Variants in PARVB observed in about 807,000 individuals in gnomAD.
PARVB encodes the protein beta-parvin.
A neutral mutation model predicts 47.0 loss-of-function variants in PARVB; 46 were observed. That is an observed-to-expected ratio of 0.98 (90% confidence interval 0.77 to 1.25). The LOEUF is 1.25. PARVB is among the 50% of genes most tolerant of loss of function. PARVB has a pLI of 0.00. For synonymous variants in PARVB, 196 were observed against 196.3 expected (o/e 1.00, Z 0.01); for missense variants, 473 against 471.6 (o/e 1.00, Z -0.03).
At chr22:44,156,782 A>G (rs1367532221) in intron 10 of PARVB, among the ~76,000 whole-genome samples, 1 of 152,168 alleles carries the variant, frequency 6.6e-6, no homozygotes, top group Non-Finnish European at 1.5e-5. Flanking sequence ...CAAAAGATAA[A>G]TGGATATGCG....
At chr22:44,056,078 G>T (rs543247664) in intron 1 of PARVB, among the ~76,000 whole-genome samples, 3 of 152,350 alleles carry the variant, frequency 2.0e-5, no homozygotes, top group African/African-American at 4.8e-5. Flanking sequence ...GCACACGCAT[G>T]CATCTCTGTC....
In PARVB at chr22:44,168,800, T is replaced by TCCCCA. The variant is rs1410754757; in HGVS notation, c.*132_*136dup. 43 of 666,800 alleles carry TCCCCA rather than the reference T, an allele frequency of 6.4e-5. No homozygotes were observed. The East Asian group carries it at 1.0e-3, about 16-fold the overall frequency. The allele number at this position is 666,800 out of a possible 1,614,324, so 41.3% of individuals were successfully genotyped here. A position where few individuals can be genotyped will look rare whatever the true frequency, so the allele number is the denominator to read the frequency against. ...CTGGTCCAAGCTGTGTTGACTGTCA[T>TCCCCA]CCCCACCCCACCCCTACCTCACGCC... is the stretch of plus-strand genomic sequence containing the variant. On this transcript the variant is annotated 3_prime_UTR_variant, in exon 13 of 13. Transcript: ENST00000338758.
intron 1 of PARVB, among the ~76,000 whole-genome samples, chr22:44,027,058 C>T (rs1384247104): frequency 1.3e-5 from 2 of 151,770 alleles, no homozygotes; most frequent in African/African-American, 2.4e-5. Context: ...TGATGTGCTA[C>T]GGGAGGCGTG....
chr22:44,141,219 T>C (rs758417936), intron 8 of PARVB: 3 of 153,238 alleles, frequency 2.0e-5, no homozygotes, highest in Middle Eastern at 3.4e-3. Context: ...CCATTGCTGC[T>C]TATCTATTGT....
At chr22:44,013,946 A>G (rs1403257632) in intron 2 of PARVB, among the ~76,000 whole-genome samples, 2 of 152,132 alleles carry the variant, frequency 1.3e-5, no homozygotes, top group Non-Finnish European at 2.9e-5. Context: ...TGTAACTTCT[A>G]TTGAAAAAGA....
In PARVB at chr22:44,155,928, G is replaced by A. The variant is rs1386354550; in HGVS notation, c.844-2054G>A. ...AGCACTTTGGGTGGCCGAGGTGGGT[G>A]GATCATGAGGTCAGGAGTTCAAGAC... On this transcript the variant is annotated intron_variant, in intron 10 of 12. Transcript: ENST00000338758. This position sits in a 1 kb window ranked among gnomAD's most constrained non-coding sequence, Gnocchi z 4.8. Among the ~76,000 whole-genome samples, 4 of 152,106 alleles carry A rather than the reference G, an allele frequency of 2.6e-5. No homozygotes were observed. Among genetic ancestry groups the A allele is most frequent in the Non-Finnish European group, 5.9e-5 (4 of 68,028 alleles).
At chr22:44,133,154 C>A in intron 6 of PARVB, 145 bp downstream of exon 6, 2 of 557,084 alleles carry the variant, frequency 3.6e-6, no homozygotes, top group Non-Finnish European at 3.2e-6. Flanking sequence ...GTGTGTCTCA[C>A]CCTGGCTCCG....
intron 1 of PARVB, among the ~76,000 whole-genome samples, chr22:44,083,248 A>G (rs1488190802): frequency 1.3e-5 from 2 of 152,218 alleles, no homozygotes; most frequent in Non-Finnish European, 1.5e-5. Context: ...TTTCTCTTGT[A>G]GAAATTATCT....
At chr22:44,149,133 C>T (rs1398827755) in intron 9 of PARVB, 3 of 152,188 alleles carry the variant, frequency 2.0e-5, no homozygotes, top group African/African-American at 7.2e-5. Flanking sequence ...GAGATGTTAC[C>T]CACCTCTCAG....
intron 2 of PARVB, among the ~76,000 whole-genome samples, chr22:44,095,264 T>C (rs1208910534): frequency 4.6e-5 from 7 of 152,148 alleles, no homozygotes; most frequent in Non-Finnish European, 1.5e-5. Flanking sequence ...ATCCCAGCAC[T>C]TTGGAAGGCC....
chr22:44,030,602 G>A (rs956283797), intron 1 of PARVB, among the ~76,000 whole-genome samples: 14 of 152,114 alleles, frequency 9.2e-5, no homozygotes, highest in African/African-American at 3.4e-4. Context: ...GGGGAGGCAG[G>A]CTGGCAGGAA....
At chr22:44,110,219 T>C (rs1254921800) in intron 3 of PARVB, 1 of 151,470 alleles carries the variant, frequency 6.6e-6, no homozygotes, top group African/African-American at 2.4e-5. Context: ...AGATATGGCA[T>C]TGAACAAAAC....
chr22:44,168,362 G>A (rs1414381780), intron 12 of PARVB: 2 of 492,496 alleles, frequency 4.1e-6, no homozygotes, highest in Non-Finnish European at 7.4e-6. Context: ...CTCTGTTCTT[G>A]TCACCCCAGG....
At chr22:44,128,413 C>T (rs1313520064) in intron 4 of PARVB, among the ~76,000 whole-genome samples, 2 of 152,238 alleles carry the variant, frequency 1.3e-5, no homozygotes, top group African/African-American at 4.8e-5. Context: ...CTGGCCACAA[C>T]AGAGCCCTGA....
Position 44,125,109 on chromosome 22 carries a change from T to G in PARVB, c.376+5969T>G, listed in dbSNP as rs994418716. Among the ~76,000 whole-genome samples, 6 of 152,104 alleles carry G rather than the reference T, an allele frequency of 3.9e-5. No individual in the cohort carries two copies. Among genetic ancestry groups the G allele is most frequent in the African/African-American group, 1.4e-4 (6 of 41,410 alleles). Reference sequence around the variant, plus strand: ...GGGGAGGCCATGTCCCATAACTCACTCTGAAGGACACAGTGATGCTTGGAC... The same window carrying G: ...GGGGAGGCCATGTCCCATAACTCACGCTGAAGGACACAGTGATGCTTGGAC... On this transcript the variant is annotated intron_variant, in intron 4 of 12. Coordinates refer to ENST00000338758, the MANE Select transcript of PARVB (RefSeq NM_013327.5). This position sits in a 1 kb window ranked among gnomAD's most constrained non-coding sequence, Gnocchi z 4.1.
intron 2 of PARVB, among the ~76,000 whole-genome samples, chr22:44,010,972 A>T (rs771593123): frequency 4.9e-5 from 7 of 142,586 alleles, no homozygotes; most frequent in Non-Finnish European, 7.5e-5. Flanking sequence ...GCTCACTGTC[A>T]TCTCTGCCTC....
chr22:44,099,976 A>T, intron 2 of PARVB, 77 bp from the exon 3 acceptor site: 2 of 1,136,358 alleles, frequency 1.8e-6, no homozygotes, highest in Non-Finnish European at 1.3e-6. Context: ...GTCAGAGATG[A>T]GTTGGCCTCC....
Position 44,081,520 on chromosome 22 carries a change from G to A in PARVB, c.113-12408G>A, listed in dbSNP as rs2051899638. On this transcript the variant is annotated intron_variant, in intron 1 of 12. Transcript: ENST00000338758. Reference sequence around the variant, plus strand: ...TGGACTTCCCTGGATACATTGGGACGTTACCAGTCACATTAATTAATACGA... The same window carrying A: ...TGGACTTCCCTGGATACATTGGGACATTACCAGTCACATTAATTAATACGA... 13 of 739,596 alleles carry A rather than the reference G, an allele frequency of 1.8e-5. No homozygotes were observed. In the South Asian group the frequency reaches 1.8e-4, roughly 10 times the overall value. 45.8% of individuals were successfully genotyped at this position (739,596 alleles called of 1,614,324 possible). A position where few individuals can be genotyped will look rare whatever the true frequency, so the allele number is the denominator to read the frequency against.
intron 4 of PARVB, among the ~76,000 whole-genome samples, chr22:44,122,508 G>GAGAGAGAGAGAGAC (rs2053074447): frequency 2.2e-5 from 2 of 92,212 alleles, no homozygotes; most frequent in African/African-American, 1.3e-4. Context: ...GAGAGAGAGA[G>GAGAGAGAGAGAGAC]AGAGAGAGAG....
Sources: gnomAD v4.1 joint callset for allele counts (sites outside exome capture counted in the v4.1 genomes callset) on GRCh38, gnomAD v4.1.1 for gene constraint, Gnocchi (gnomAD v3.1) non-coding constraint, MANE v1.5 for transcripts, NCBI Gene and HGNC (gene_info 2026-07-23, HGNC 2026-07-21) for gene names.